NPAS3: variants seen among roughly 807,000 people sequenced by gnomAD.
NPAS3 encodes the protein neuronal PAS domain-containing protein 3.
NPAS3 carries 14 observed loss-of-function variants against 73.1 expected under a neutral mutation model. The observed-to-expected ratio is 0.19, with a 90% CI of 0.13 to 0.30. The LOEUF is 0.30. Ranked by LOEUF, NPAS3 falls within the 10% of genes least tolerant of loss-of-function variation. The pLI is 1.00. For synonymous variants in NPAS3, 620 were observed against 541.5 expected, an observed-to-expected ratio of 1.14 and a Z score of -2.01; for missense variants, 1,096 against 1,250.0, an observed-to-expected ratio of 0.88 and a Z score of 1.86.
chr14:33,709,497 C>G (rs537748388), intron 6 of NPAS3, among the ~76,000 whole-genome samples: 22 of 152,262 alleles, frequency 1.4e-4, no homozygotes, highest in African/African-American at 5.3e-4. Flanking sequence ...TTTAGGTTGA[C>G]TTCATGGCTG....
chr14:33,765,762 T>C (rs1421337095), intron 7 of NPAS3, among the ~76,000 whole-genome samples: 2 of 152,170 alleles, frequency 1.3e-5, no homozygotes, highest in African/African-American at 4.8e-5. Flanking sequence ...GATCTCTCAA[T>C]TCATTCTGCT....
chr14:33,619,597 G>A lies in NPAS3; in HGVS notation c.559-56614G>A, dbSNP rs763200655. The stretch of plus-strand genomic sequence containing the variant: ...TTTGGAGCCTTCTCTGTGTGTATAC[G>A]TGCACACACGTGCTCTTTTAGAAAG... On this transcript the variant is annotated intron_variant, in intron 5 of 11. Transcript: ENST00000356141. Among the ~76,000 whole-genome samples the A allele has an allele frequency of 6.6e-5, 10 of 152,164 alleles. No homozygotes were observed. The East Asian group carries it at 1.3e-3, about 20-fold the overall frequency.
At chr14:33,796,075 C>T (rs1341598593) in intron 10 of NPAS3, among the ~76,000 whole-genome samples, 1 of 152,130 alleles carries the variant, frequency 6.6e-6, no homozygotes, top group African/African-American at 2.4e-5. Context: ...GGTATCACCT[C>T]TATAGGGTAA....
At chr14:33,557,101 T>A (rs761823958) in intron 4 of NPAS3, among the ~76,000 whole-genome samples, 4 of 152,124 alleles carry the variant, frequency 2.6e-5, no homozygotes, top group African/African-American at 4.8e-5. Flanking sequence ...TAAAGATATG[T>A]TGAAATTAGA....
intron 1 of NPAS3, among the ~76,000 whole-genome samples, chr14:32,956,261 C>T (rs113362446): frequency 1.5e-4 from 23 of 152,108 alleles, no homozygotes; most frequent in African/African-American, 3.9e-4. Flanking sequence ...TTGAAAAATT[C>T]GATCATGTAA....
intron 3 of NPAS3, among the ~76,000 whole-genome samples, chr14:33,233,686 G>C (rs1594464501): frequency 1.3e-5 from 2 of 152,074 alleles, no homozygotes; most frequent in East Asian, 3.8e-4. Flanking sequence ...AATATTTAGT[G>C]CTGTTAGGAT....
At chr14:32,985,238 G>T (rs774947594) in intron 1 of NPAS3, among the ~76,000 whole-genome samples, 10 of 152,132 alleles carry the variant, frequency 6.6e-5, no homozygotes, top group Non-Finnish European at 1.2e-4. Flanking sequence ...TGGTGACTGT[G>T]GTCTTTATGT....
At chr14:33,352,963 A>G (rs1383920419) in intron 3 of NPAS3, among the ~76,000 whole-genome samples, 1 of 152,200 alleles carries the variant, frequency 6.6e-6, no homozygotes, top group South Asian at 2.1e-4. Context: ...ACCTCAAAGC[A>G]GACTGTCTCA....
chr14:33,257,404 C>T (rs2048819601), intron 3 of NPAS3, among the ~76,000 whole-genome samples: 2 of 152,138 alleles, frequency 1.3e-5, no homozygotes, highest in Admixed American at 6.5e-5. Flanking sequence ...CGTTCCCTTT[C>T]TCCCTGGACT....
chr14:33,331,837 G>A (rs561614037), intron 3 of NPAS3, among the ~76,000 whole-genome samples: 1 of 152,262 alleles, frequency 6.6e-6, no homozygotes, highest in Admixed American at 6.5e-5. Flanking sequence ...CTTACGTAAG[G>A]CCCAGGGCCA....
intron 10 of NPAS3, among the ~76,000 whole-genome samples, chr14:33,795,546 A>T (rs1252519518): frequency 1.3e-5 from 2 of 152,236 alleles, no homozygotes; most frequent in Admixed American, 1.3e-4. Context: ...TGTGACAAGG[A>T]GACCCATCAC....
At chr14:33,676,513 G>C in intron 6 of NPAS3, 128 bp downstream of exon 6, 1 of 590,742 alleles carries the variant, frequency 1.7e-6, no homozygotes, top group Non-Finnish European at 2.7e-6. Flanking sequence ...GCAGCTTCCA[G>C]TCCCATGCAG....
chr14:33,731,251 A>G (rs1220128007), intron 6 of NPAS3, among the ~76,000 whole-genome samples: 3 of 151,946 alleles, frequency 2.0e-5, no homozygotes, highest in Non-Finnish European at 4.4e-5. Flanking sequence ...AATACTAAAA[A>G]ACATTTAAAA....
At chr14:33,329,469 G>A (rs2043878466) in intron 3 of NPAS3, among the ~76,000 whole-genome samples, 1 of 152,174 alleles carries the variant, frequency 6.6e-6, no homozygotes, top group Non-Finnish European at 1.5e-5. Flanking sequence ...AGCAGAAGGA[G>A]CCAGCCACAA....
intron 3 of NPAS3, among the ~76,000 whole-genome samples, chr14:33,262,436 C>T (rs193219964): frequency 1.3e-5 from 2 of 152,244 alleles, no homozygotes; most frequent in East Asian, 3.9e-4. Context: ...AGCAGCATTC[C>T]AGGACCTGCA....
At chr14:33,735,639 T>C (rs573353128) in intron 7 of NPAS3, among the ~76,000 whole-genome samples, 3 of 152,282 alleles carry the variant, frequency 2.0e-5, no homozygotes, top group East Asian at 1.9e-4. Context: ...GCCAATTTCA[T>C]ATCAGTCCTC....
chr14:33,069,059 C>T (rs1488329430), intron 2 of NPAS3, among the ~76,000 whole-genome samples: 3 of 152,146 alleles, frequency 2.0e-5, no homozygotes, highest in East Asian at 1.9e-4. Context: ...TAGTTACTGG[C>T]TGAGCATATG....
intron 1 of NPAS3, among the ~76,000 whole-genome samples, chr14:32,973,751 G>A (rs2037536903): frequency 6.6e-6 from 1 of 151,916 alleles, no homozygotes; most frequent in East Asian, 1.9e-4. Flanking sequence ...TGGCCAGGCT[G>A]GTCTCAAACT....
intron 5 of NPAS3, chr14:33,612,660 T>C (rs911301186): frequency 2.5e-5 from 9 of 359,576 alleles, no homozygotes; most frequent in Non-Finnish European, 4.4e-5. Context: ...ATTTTAAAGA[T>C]GTTCTTAATT....
Sources: allele counts gnomAD v4.1 joint callset (sites outside exome capture counted in the v4.1 genomes callset), GRCh38; gene constraint gnomAD v4.1.1; transcripts MANE v1.5; gene names NCBI Gene and HGNC (gene_info 2026-07-23, HGNC 2026-07-21).